The following CSMD3 variants were observed in gnomAD, a reference collection of about 807,000 sequenced individuals.
CSMD3 encodes CUB and sushi domain-containing protein 3.
Under a neutral mutation model 435.2 loss-of-function variants are expected in CSMD3, and 177 were observed. The ratio of observed to expected loss-of-function variants is 0.41; its 90% CI spans 0.36 to 0.46. The LOEUF (loss-of-function observed/expected upper bound fraction) is 0.46, where lower values mean the gene tolerates loss of function less well. Ranked by LOEUF, CSMD3 falls within the 20% of genes least tolerant of loss-of-function variation. CSMD3 has a pLI of 0.34. For missense variants in CSMD3, 4,265 were observed against 4,504.6 expected (o/e 0.95, Z 1.52); for synonymous variants, 1,656 against 1,520.5 (o/e 1.09, Z -2.07).
intron 32 of CSMD3, among the ~76,000 whole-genome samples, chr8:112,463,646 C>G (rs986194599): frequency 2.6e-5 from 4 of 152,128 alleles, no homozygotes; most frequent in Non-Finnish European, 5.9e-5. Context: ...ATCAAAGTGA[C>G]CCTGTTGTAT....
chr8:112,427,848 C>A (rs946792517), intron 32 of CSMD3, among the ~76,000 whole-genome samples: 1 of 152,158 alleles, frequency 6.6e-6, no homozygotes, highest in African/African-American at 2.4e-5. Context: ...ATCTTCAATG[C>A]AGGCCCACAC....
At chr8:112,992,554 A>G (rs1162845907) in intron 6 of CSMD3, among the ~76,000 whole-genome samples, 1 of 151,810 alleles carries the variant, frequency 6.6e-6, no homozygotes, top group Non-Finnish European at 1.5e-5. Context: ...TGAGGGCATA[A>G]CTTTCCACGC....
At chr8:112,572,037 T>A (rs1210448565) in intron 24 of CSMD3, among the ~76,000 whole-genome samples, 4 of 145,452 alleles carry the variant, frequency 2.8e-5, no homozygotes, top group African/African-American at 5.0e-5. Context: ...ACAGCATATT[T>A]AAAAAAAAAA....
chr8:112,980,062 G>T (rs1587817212), intron 6 of CSMD3, among the ~76,000 whole-genome samples: 1 of 150,746 alleles, frequency 6.6e-6, no homozygotes, highest in East Asian at 2.0e-4. Context: ...TGTTAAATTT[G>T]AAATTTTATT....
chr8:113,393,159 T>C (rs532847012), intron 1 of CSMD3, among the ~76,000 whole-genome samples: 12 of 152,108 alleles, frequency 7.9e-5, no homozygotes, highest in African/African-American at 2.9e-4. Context: ...AGAAAAAGCC[T>C]CATGTCCTAT....
At chr8:113,023,911 T>A (rs957707018) in intron 5 of CSMD3, among the ~76,000 whole-genome samples, 1 of 152,180 alleles carries the variant, frequency 6.6e-6, no homozygotes, top group African/African-American at 2.4e-5. Context: ...ACATTTATGA[T>A]TTCTTTGTAG....
chr8:113,292,736 T>C (rs138612135), intron 2 of CSMD3, among the ~76,000 whole-genome samples: 3 of 151,970 alleles, frequency 2.0e-5, no homozygotes, highest in East Asian at 3.9e-4. Context: ...GCAAGTTACA[T>C]TGGAGGTAAT....
chr8:112,640,870 T>C (rs867846553), intron 20 of CSMD3, among the ~76,000 whole-genome samples: 1 of 152,074 alleles, frequency 6.6e-6, no homozygotes, highest in Non-Finnish European at 1.5e-5. Flanking sequence ...GGAGAGTAGA[T>C]TGAATAAAAG....
chr8:112,964,659 T>C (rs1300752328), intron 7 of CSMD3, among the ~76,000 whole-genome samples: 2 of 152,022 alleles, frequency 1.3e-5, no homozygotes, highest in Non-Finnish European at 1.5e-5. Flanking sequence ...GACTTTTTTT[T>C]CCCCCTTAAT....
chr8:112,916,665 A>C (rs1368352009), intron 10 of CSMD3, among the ~76,000 whole-genome samples: 1 of 151,968 alleles, frequency 6.6e-6, no homozygotes, highest in African/African-American at 2.4e-5. Flanking sequence ...CTGGCTGATA[A>C]ATTTCAGCAG....
intron 13 of CSMD3, among the ~76,000 whole-genome samples, chr8:112,717,898 A>C (rs1355610387): frequency 1.3e-5 from 2 of 151,966 alleles, no homozygotes; most frequent in East Asian, 1.9e-4. Flanking sequence ...AATAACACAC[A>C]CCAGGGCCTG....
intron 22 of CSMD3, among the ~76,000 whole-genome samples, chr8:112,593,875 G>T (rs964696099): frequency 6.6e-6 from 1 of 152,158 alleles, no homozygotes. Context: ...AGGGTCAGGG[G>T]TGATACAGGT....
At chr8:113,431,628 G>T (rs2094673828) in intron 1 of CSMD3, among the ~76,000 whole-genome samples, 2 of 152,138 alleles carry the variant, frequency 1.3e-5, no homozygotes, top group African/African-American at 2.4e-5. Flanking sequence ...AACACATGAA[G>T]AAGTATATTT....
chr8:113,055,145 T>C (rs1182472006), intron 5 of CSMD3, among the ~76,000 whole-genome samples: 1 of 152,158 alleles, frequency 6.6e-6, no homozygotes, highest in African/African-American at 2.4e-5. Flanking sequence ...CACTGTATTA[T>C]CATCTGCTAC....
intron 31 of CSMD3, among the ~76,000 whole-genome samples, chr8:112,487,179 T>A (rs16883746): frequency 0.29 from 44,055 of 152,056 alleles, 6,869 homozygotes; most frequent in East Asian, 0.5. Context: ...TTTACATACA[T>A]CAAATAAATC....
intron 45 of CSMD3, among the ~76,000 whole-genome samples, chr8:112,322,116 G>C (rs1288159888): frequency 6.6e-6 from 1 of 152,120 alleles, no homozygotes; most frequent in Non-Finnish European, 1.5e-5. Context: ...CAGAAATGTA[G>C]AGATGCTCAT....
At chr8:113,183,705 T>G (rs549350641) in intron 3 of CSMD3, among the ~76,000 whole-genome samples, 2 of 152,048 alleles carry the variant, frequency 1.3e-5, no homozygotes, top group Non-Finnish European at 2.9e-5. Flanking sequence ...TTCTCTGTTT[T>G]ATATATAATG....
rs761717187 is a variant in CSMD3, at chr8:112,291,588, C to T, written c.8896G>A (p.Gly2966Arg). The change falls in exon 56 of 71, where the codon GGA becomes AGA. Residue 2966 changes from glycine to arginine, a missense_variant. Gly to Arg is a moderately radical substitution (Grantham distance 125). This residue lies in a region of CSMD3 where 3,255 missense variants were observed against 3,380.2 expected (regional missense o/e 0.96). Coordinates refer to ENST00000297405, the MANE Select transcript of CSMD3 (RefSeq NM_198123.2). Reference sequence around the variant, plus strand: ...ACTGAAGATCCAAATAAAAAATATCCAGGATTGCAGTCATAGAATACCACA... The same window carrying T: ...ACTGAAGATCCAAATAAAAAATATCTAGGATTGCAGTCATAGAATACCACA... ...GTVVFYDCNP[G>R]YFLFGSSVLI... 1.9e-6 allele frequency: 3 copies of T among 1,611,068 alleles called. No individual in the cohort carries two copies. The highest frequency in any genetic ancestry group is 2.5e-6 in the Non-Finnish European group (3 of 1,177,756).
chr8:112,946,569 T>TA (rs2083615805), intron 9 of CSMD3, among the ~76,000 whole-genome samples: 1 of 151,566 alleles, frequency 6.6e-6, no homozygotes, highest in Non-Finnish European at 1.5e-5. Flanking sequence ...GTATAAGAAA[T>TA]AAAAAATACT....
Sources: allele counts gnomAD v4.1 joint callset (sites outside exome capture counted in the v4.1 genomes callset), GRCh38; gene constraint gnomAD v4.1.1; regional missense constraint gnomAD v4.1.1; transcripts MANE v1.5; gene names NCBI Gene and HGNC (gene_info 2026-07-23, HGNC 2026-07-21).